RTL9: variants seen among roughly 807,000 people sequenced by gnomAD.
RTL9 encodes the protein retrotransposon Gag like 9.
A neutral mutation model predicts 44.7 loss-of-function variants in RTL9; 19 were observed. The ratio of observed to expected loss-of-function variants is 0.42; its 90% CI spans 0.30 to 0.62. The LOEUF (loss-of-function observed/expected upper bound fraction) is 0.62, where lower values mean the gene tolerates loss of function less well. Among genes scored for constraint, RTL9 ranks in the 20% least tolerant of loss-of-function variants. The pLI, the probability that RTL9 is intolerant of heterozygous loss-of-function variation, is 0.16. For synonymous variants in RTL9, 407 were observed against 398.9 expected, an observed-to-expected ratio of 1.02 and a Z score of -0.24; for missense variants, 1,105 against 1,080.6, an observed-to-expected ratio of 1.02 and a Z score of -0.32.
At chrX:110,434,221 G>C (rs113908164) in intron 1 of RTL9, among the ~76,000 whole-genome samples, 1,303 of 111,922 alleles carry the variant, frequency 0.012, 23 homozygotes, top group African/African-American at 0.04. Context: ...AGCAGGAGGG[G>C]AGTGGACGAG....
intron 1 of RTL9, among the ~76,000 whole-genome samples, chrX:110,434,539 G>C (rs1373134399): frequency 9.0e-6 from 1 of 111,564 alleles, no homozygotes; most frequent in Admixed American, 9.5e-5. Flanking sequence ...TGGCTGTCAT[G>C]GGGTCAAGGA....
chrX:110,418,631 C>T (rs921228039), upstream of RTL9, among the ~76,000 whole-genome samples: 1 of 111,583 alleles, frequency 9.0e-6, no homozygotes, highest in African/African-American at 3.3e-5. Flanking sequence ...CCCCAAACTG[C>T]CACGGTCTCC....
At chrX:110,362,055 T>C (rs1225862555) in intron 1 of RTL9, among the ~76,000 whole-genome samples, 1 of 111,876 alleles carries the variant, frequency 8.9e-6, no homozygotes, top group Non-Finnish European at 1.9e-5. Context: ...CTCCAACATC[T>C]AGAATAGTAC....
At chrX:110,391,218 A>T (rs989627337) in intron 1 of RTL9, among the ~76,000 whole-genome samples, 1 of 110,969 alleles carries the variant, frequency 9.0e-6, no homozygotes, top group Non-Finnish European at 1.9e-5. Flanking sequence ...CCCCACATTC[A>T]CACTGAGGCT....
At chrX:110,447,602 C>T (rs1569432377), upstream of RTL9, among the ~76,000 whole-genome samples, 1 of 110,444 alleles carries the variant, frequency 9.1e-6, no homozygotes, top group Non-Finnish European at 1.9e-5. Flanking sequence ...TTTATGTGAC[C>T]GTGGTCACAT....
At chrX:110,431,073 G>T in intron 1 of RTL9, among the ~76,000 whole-genome samples, 1 of 112,017 alleles carries the variant, frequency 8.9e-6, no homozygotes, top group Admixed American at 9.4e-5. Context: ...CATTCCTTTG[G>T]CTGCTCTCCA....
At chrX:110,404,517 A>C (rs1433090549) in intron 1 of RTL9, among the ~76,000 whole-genome samples, 2 of 112,264 alleles carry the variant, frequency 1.8e-5, no homozygotes, top group African/African-American at 6.5e-5. Context: ...AGGAAGGGAA[A>C]ATAGCACTGT....
intron 1 of RTL9, among the ~76,000 whole-genome samples, chrX:110,368,706 C>T (rs2068315459): frequency 8.9e-6 from 1 of 112,083 alleles, no homozygotes. Context: ...TCTATCTTCA[C>T]CACTAGAATA....
chrX:110,452,301 A>T (rs1234457686), exon 1 of RTL9: 1 of 1,211,754 alleles, frequency 8.3e-7, no homozygotes, highest in Non-Finnish European at 1.1e-6. Context: ...CTCAGGATTG[A>T]CATCTGCAGC....
intron 1 of RTL9, among the ~76,000 whole-genome samples, chrX:110,369,357 AAAAG>A (rs1371090400): frequency 9.0e-6 from 1 of 111,580 alleles, no homozygotes; most frequent in African/African-American, 3.3e-5. Context: ...GAAAAAAAGA[AAAAG>A]AAAGATTTTT....
At chrX:110,420,124 T>C (rs1484498689) in intron 1 of RTL9, among the ~76,000 whole-genome samples, 1 of 111,525 alleles carries the variant, frequency 9.0e-6, no homozygotes, top group Non-Finnish European at 1.9e-5. Flanking sequence ...CCACCTCATG[T>C]TACCCTACAC....
chrX:110,366,658 C>G (rs1230729391), intron 1 of RTL9, among the ~76,000 whole-genome samples: 2 of 111,696 alleles, frequency 1.8e-5, no homozygotes, highest in Non-Finnish European at 3.8e-5. Flanking sequence ...ACCCTAGATT[C>G]CCTAGGCTCT....
At chrX:110,383,109 A>G (rs907128197) in intron 1 of RTL9, among the ~76,000 whole-genome samples, 2 of 111,781 alleles carry the variant, frequency 1.8e-5, no homozygotes, top group African/African-American at 3.3e-5. Context: ...TCATCTCAGA[A>G]CCACCCCTCT....
At chrX:110,405,763 A>G (rs896898753) in intron 1 of RTL9, among the ~76,000 whole-genome samples, 6 of 111,756 alleles carry the variant, frequency 5.4e-5, no homozygotes, top group Non-Finnish European at 1.1e-4. Context: ...AAGAAGTTAG[A>G]CAACCTGGGC....
At chrX:110,451,635 G>C (rs749364881) in exon 1 of RTL9, 26 of 1,211,809 alleles carry the variant, frequency 2.1e-5, no homozygotes, top group East Asian at 3.0e-5. Context: ...ACCAAAGCCA[G>C]CTCCAGATGC....
At chrX:110,455,129 A>G (rs2068972922) in intron 1 of RTL9, 73 bp from the exon 4 acceptor site, 4 of 1,176,390 alleles carry the variant, frequency 3.4e-6, no homozygotes, top group Non-Finnish European at 4.6e-6. Flanking sequence ...AAGTCACAGA[A>G]CTTATCCAGG....
intron 2 of RTL9, among the ~76,000 whole-genome samples, 195 bp downstream of exon 2, chrX:110,445,463 TGCGCATTTTAAGTGTCAGG>T (rs2068903276): frequency 9.0e-6 from 1 of 111,034 alleles, no homozygotes; most frequent in African/African-American, 3.3e-5. Flanking sequence ...AAAGAGCCGG[TGCGCATTTTAAGTGTCAGG>T]GCTGTGGGGG....
chrX:110,453,521 A>T (rs2068960206), exon 1 of RTL9: 1 of 1,210,627 alleles, frequency 8.3e-7, no homozygotes, highest in Admixed American at 2.2e-5. Flanking sequence ...CTTTAATGTC[A>T]GCCATGGCTT....
At chrX:110,411,551 G>A (rs1251770908) in intron 1 of RTL9, among the ~76,000 whole-genome samples, 1 of 112,116 alleles carries the variant, frequency 8.9e-6, no homozygotes, top group Non-Finnish European at 1.9e-5. Flanking sequence ...GGGAGTCTTT[G>A]CAAAGCAACG....
Sources: gnomAD v4.1 joint callset for allele counts (sites outside exome capture counted in the v4.1 genomes callset) on GRCh38, gnomAD v4.1.1 for gene constraint, MANE v1.5 for transcripts, NCBI Gene and HGNC (gene_info 2026-07-23, HGNC 2026-07-21) for gene names.